Variants in CLEC16A observed in about 807,000 individuals in gnomAD.
CLEC16A encodes protein CLEC16A.
A neutral mutation model predicts 109.5 loss-of-function variants in CLEC16A; 51 were observed. The ratio of observed to expected loss-of-function variants is 0.47; its 90% CI spans 0.37 to 0.59. CLEC16A has a LOEUF of 0.59. Among genes scored for constraint, CLEC16A ranks in the 20% least tolerant of loss-of-function variants. CLEC16A has a pLI of 0.00. For missense variants in CLEC16A, 1,339 were observed against 1,394.0 expected, an observed-to-expected ratio of 0.96 and a Z score of 0.63; for synonymous variants, 673 against 564.2, an observed-to-expected ratio of 1.19 and a Z score of -2.73.
intron 19 of CLEC16A, among the ~76,000 whole-genome samples, chr16:11,113,607 C>T (rs900426006): frequency 6.6e-6 from 1 of 152,106 alleles, no homozygotes; most frequent in Non-Finnish European, 1.5e-5. Flanking sequence ...TGCAGTAAGC[C>T]ATGATCGCTC....
intron 10 of CLEC16A, among the ~76,000 whole-genome samples, chr16:10,993,116 G>A (rs1048401868): frequency 6.6e-6 from 1 of 152,174 alleles, no homozygotes; most frequent in African/African-American, 2.4e-5. Context: ...ACCTGGCTGG[G>A]CTTGGTGGTT....
chr16:11,168,926 G>A (rs27965), intron 23 of CLEC16A, among the ~76,000 whole-genome samples: 96,375 of 152,136 alleles, frequency 0.63, 30,743 homozygotes, highest in South Asian at 0.75. Flanking sequence ...GTCACCCTGC[G>A]TGGCTCGCTC....
Position 11,120,612 on chromosome 16 carries a change from C to T in CLEC16A, c.2117-3C>T, listed in dbSNP as rs200880183. The T allele has an allele frequency of 2.5e-6, 4 of 1,606,986 alleles. No homozygotes were observed. Among genetic ancestry groups the T allele is most frequent in the Non-Finnish European group, 3.4e-6 (4 of 1,175,680 alleles). ...CATTCTCTTCTCACCTTCCTCCTCC[C>T]AGATAACAGCGACTTGATTGCATGT... On this transcript the variant is annotated splice_region_variant and splice_polypyrimidine_tract_variant and intron_variant, in intron 19 of 23. Transcript: ENST00000409790.
At chr16:10,951,252 T>G (rs2041715817) in intron 1 of CLEC16A, among the ~76,000 whole-genome samples, 1 of 152,228 alleles carries the variant, frequency 6.6e-6, no homozygotes, top group Admixed American at 6.5e-5. Flanking sequence ...ATATTGAGAC[T>G]GCATCTGCAG....
Position 11,120,677 on chromosome 16 carries a change from C to T in CLEC16A, c.2179C>T (p.Leu727=). Residue 727 remains leucine (L), a synonymous_variant, in exon 20 of 24, where the codon CTG becomes TTG. Coordinates refer to ENST00000409790, the MANE Select transcript of CLEC16A (RefSeq NM_015226.3). The part of the protein sequence containing the change: ...TKDGGMVQRF[L]AVDIYQMSLV... ...GGATGGCGGCATGGTCCAGCGATTC[C>T]TGGCTGTGGATATTTACCAGATGAG... 3 of 1,612,828 alleles carry T rather than the reference C, an allele frequency of 1.9e-6. No homozygotes were observed. Among genetic ancestry groups the T allele is most frequent in the Non-Finnish European group, 1.7e-6 (2 of 1,179,438 alleles).
chr16:11,170,223 GAA>G (rs774950549), intron 23 of CLEC16A, among the ~76,000 whole-genome samples: 5 of 152,212 alleles, frequency 3.3e-5, no homozygotes, highest in Admixed American at 1.3e-4. Flanking sequence ...GGGCCCAAGT[GAA>G]AAGTCACGGC....
intron 19 of CLEC16A, among the ~76,000 whole-genome samples, chr16:11,101,019 C>G (rs1784767254): frequency 6.6e-6 from 1 of 152,108 alleles, no homozygotes; most frequent in South Asian, 2.1e-4. Context: ...TGGGACTGTG[C>G]TTGGCCCATA....
chr16:11,133,257 T>C (rs1328538075), intron 22 of CLEC16A, among the ~76,000 whole-genome samples: 1 of 151,784 alleles, frequency 6.6e-6, no homozygotes, highest in Non-Finnish European at 1.5e-5. Context: ...GAGAATCACT[T>C]GAACCCGGGA....
At chr16:11,113,303 G>T (rs1357874394) in intron 19 of CLEC16A, among the ~76,000 whole-genome samples, 1 of 152,226 alleles carries the variant, frequency 6.6e-6, no homozygotes, top group Non-Finnish European at 1.5e-5. Context: ...GCTGTGGAAA[G>T]AGACTCACTT....
At chr16:11,134,616 T>C (rs1236670110) in intron 22 of CLEC16A, among the ~76,000 whole-genome samples, 1 of 152,242 alleles carries the variant, frequency 6.6e-6, no homozygotes, top group South Asian at 2.1e-4. Flanking sequence ...TTGGAATATT[T>C]GCATTATACT....
intron 11 of CLEC16A, among the ~76,000 whole-genome samples, chr16:11,011,877 T>A (rs933401148): frequency 6.6e-6 from 1 of 152,148 alleles, no homozygotes; most frequent in Non-Finnish European, 1.5e-5. Flanking sequence ...TGTTTCTTCT[T>A]GTACACTGAG....
At chr16:11,123,979 G>A in intron 21 of CLEC16A, 33 bp downstream of exon 21, 1 of 1,561,626 alleles carries the variant, frequency 6.4e-7, no homozygotes, top group Non-Finnish European at 8.7e-7. Flanking sequence ...GGCATCCTCT[G>A]AGCACTTGGT....
chr16:11,113,011 C>A (rs2051705304), intron 19 of CLEC16A, among the ~76,000 whole-genome samples: 1 of 152,192 alleles, frequency 6.6e-6, no homozygotes, highest in Non-Finnish European at 1.5e-5. Context: ...GAGCCTGGCC[C>A]CAGTAGGCAC....
At chr16:11,163,829 G>A (rs189729867) in intron 22 of CLEC16A, among the ~76,000 whole-genome samples, 2 of 152,254 alleles carry the variant, frequency 1.3e-5, no homozygotes, top group Admixed American at 1.3e-4. Context: ...ACACTGGCTG[G>A]CCCTCTGTTC....
intron 23 of CLEC16A, among the ~76,000 whole-genome samples, chr16:11,172,718 A>T (rs1441975427): frequency 6.6e-6 from 1 of 152,008 alleles, no homozygotes; most frequent in Non-Finnish European, 1.5e-5. Flanking sequence ...GTGAACCCCC[A>T]TCTCTACTAA....
chr16:11,163,025 C>T (rs903750176), intron 22 of CLEC16A, among the ~76,000 whole-genome samples: 6 of 152,210 alleles, frequency 3.9e-5, no homozygotes, highest in South Asian at 2.1e-4. Context: ...TGCCTTCACT[C>T]CTGTCGCACG....
At chr16:11,096,300 G>A (rs1293399672) in intron 19 of CLEC16A, among the ~76,000 whole-genome samples, 1 of 152,010 alleles carries the variant, frequency 6.6e-6, no homozygotes, top group East Asian at 1.9e-4. Context: ...AGCTGTGATG[G>A]CATCACCGCA....
chr16:11,015,261 G>T (rs80330055), intron 11 of CLEC16A, among the ~76,000 whole-genome samples: 11,163 of 152,094 alleles, frequency 0.073, 434 homozygotes, highest in East Asian at 0.11. Flanking sequence ...CACAGCCAGG[G>T]TGTGGAAATC....
chr16:11,166,493 A>G lies in CLEC16A; in HGVS notation c.2747A>G (p.His916Arg). The part of the protein sequence containing the change: ...GSPSGSGSTS[H>R]CDSGGTSSSS... ...CCCAGCGGCAGCGGGAGCACCAGCCACTGCGACTCTGGAGGCACCAGCTCG... is the reference window on the plus strand; with the variant it reads ...CCCAGCGGCAGCGGGAGCACCAGCCGCTGCGACTCTGGAGGCACCAGCTCG... Residue 916 changes from histidine (H) to arginine (R), a missense_variant, in exon 23 of 24, where the codon CAC (histidine) becomes CGC (arginine). This residue lies in a region of CLEC16A where 1,061 missense variants were observed against 1,006.8 expected (regional missense o/e 1.05). Coordinates refer to ENST00000409790, the MANE Select transcript of CLEC16A (RefSeq NM_015226.3). The G allele has an allele frequency of 6.2e-7, 1 of 1,609,574 alleles. No individual in the cohort carries two copies. Among genetic ancestry groups the G allele is most frequent in the South Asian group, 1.1e-5 (1 of 90,934 alleles).
Sources: allele counts gnomAD v4.1 joint callset (sites outside exome capture counted in the v4.1 genomes callset), GRCh38; gene constraint gnomAD v4.1.1; regional missense constraint gnomAD v4.1.1; transcripts MANE v1.5; gene names NCBI Gene and HGNC (gene_info 2026-07-23, HGNC 2026-07-21).